The following SGCD variants were observed in gnomAD, a reference collection of about 807,000 sequenced individuals.
SGCD encodes delta-sarcoglycan.
A neutral mutation model predicts 36.6 loss-of-function variants in SGCD; 18 were observed. The ratio of observed to expected loss-of-function variants is 0.49; its 90% CI spans 0.34 to 0.73. The LOEUF is 0.73. Ranked by LOEUF, SGCD falls within the 30% of genes least tolerant of loss-of-function variation. The pLI is 0.01. For synonymous variants in SGCD, 133 were observed against 130.6 expected, an observed-to-expected ratio of 1.02 and a Z score of -0.12; for missense variants, 387 against 346.7, an observed-to-expected ratio of 1.12 and a Z score of -0.92.
intron 1 of SGCD, among the ~76,000 whole-genome samples, chr5:155,909,286 A>T (rs1256361117): frequency 6.6e-6 from 1 of 152,174 alleles, no homozygotes; most frequent in Non-Finnish European, 1.5e-5. Context: ...AATAGACCTT[A>T]AAAATAGTTG....
At chr5:156,460,600 G>C (rs116716804) in intron 3 of SGCD, among the ~76,000 whole-genome samples, 1 of 152,136 alleles carries the variant, frequency 6.6e-6, no homozygotes, top group Non-Finnish European at 1.5e-5. Flanking sequence ...TTGTATGAAT[G>C]AGTTAGTGAC....
the SGCD span, among the ~76,000 whole-genome samples, chr5:155,777,361 T>G: frequency 0.026 from 389 of 14,842 alleles, 1 homozygote; most frequent in Admixed American, 0.069. Flanking sequence ...AGTTTTTTTG[T>G]TTTTTTTTTT....
chr5:156,650,466 T>C (rs928677193), intron 7 of SGCD, among the ~76,000 whole-genome samples: 6 of 152,082 alleles, frequency 3.9e-5, no homozygotes, highest in African/African-American at 1.4e-4. Flanking sequence ...ACCCAATAGG[T>C]AGTTTTTCAG....
chr5:155,854,856 G>A, the SGCD span, among the ~76,000 whole-genome samples: 4 of 152,212 alleles, frequency 2.6e-5, no homozygotes, highest in East Asian at 1.9e-4. Context: ...CACTTAAGTC[G>A]AGACACTTAG....
chr5:155,902,878 T>G (rs1756421355), intron 1 of SGCD, among the ~76,000 whole-genome samples: 1 of 152,226 alleles, frequency 6.6e-6, no homozygotes, highest in African/African-American at 2.4e-5. Context: ...TCATAACCAA[T>G]GTATGAGAAC....
At chr5:156,333,288 T>A (rs1768157659) in intron 2 of SGCD, among the ~76,000 whole-genome samples, 1 of 152,136 alleles carries the variant, frequency 6.6e-6, no homozygotes, top group Non-Finnish European at 1.5e-5. Flanking sequence ...CTGTAAAAAT[T>A]TATAGGTTTT....
chr5:155,843,980 G>A, the SGCD span, among the ~76,000 whole-genome samples: 1 of 152,080 alleles, frequency 6.6e-6, no homozygotes, highest in African/African-American at 2.4e-5. Context: ...CAAAAGATCT[G>A]GATTAATACA....
chr5:156,404,725 T>G (rs989746940), intron 3 of SGCD, among the ~76,000 whole-genome samples: 2 of 152,208 alleles, frequency 1.3e-5, no homozygotes, highest in Non-Finnish European at 2.9e-5. Context: ...CTGTAACAAC[T>G]GAGATAAATT....
intron 4 of SGCD, among the ~76,000 whole-genome samples, chr5:156,530,397 T>G (rs1418885682): frequency 6.6e-6 from 1 of 152,206 alleles, no homozygotes; most frequent in African/African-American, 2.4e-5. Context: ...GGTATTTATA[T>G]TATTGAATGA....
At chr5:155,818,879 A>AC in the SGCD span, among the ~76,000 whole-genome samples, 1 of 152,114 alleles carries the variant, frequency 6.6e-6, no homozygotes, top group East Asian at 1.9e-4. Context: ...TCCACTTCCA[A>AC]CTTTTTTTTT....
chr5:156,040,673 G>A (rs866120796), intron 1 of SGCD, among the ~76,000 whole-genome samples: 15 of 152,196 alleles, frequency 9.9e-5, no homozygotes, highest in Admixed American at 3.9e-4. Context: ...GGTGTAGTGT[G>A]CAGGATCTCT....
In SGCD at chr5:156,760,366, T is replaced by A. The variant is rs1217357378; in HGVS notation, c.*976T>A. The stretch of plus-strand genomic sequence containing the variant: ...CCCAAAAGAAGCCTGGAAGTCTAAT[T>A]AAGAGTAGCATAAGGAACCTAATTA... On this transcript the variant is annotated 3_prime_UTR_variant, in exon 9 of 9. Transcript: ENST00000337851. 1 of 152,230 alleles carries A rather than the reference T, an allele frequency of 6.6e-6. No homozygotes were observed. The highest frequency in any genetic ancestry group is 6.5e-5 in the Admixed American group (1 of 15,282). The allele number at this position is 152,230 out of a possible 1,614,324, so 9.4% of individuals were successfully genotyped here.
chr5:155,979,366 A>T (rs144096458), intron 1 of SGCD, among the ~76,000 whole-genome samples: 1 of 152,338 alleles, frequency 6.6e-6, no homozygotes, highest in East Asian at 1.9e-4. Flanking sequence ...CTACGATATA[A>T]GGTGAACTCA....
chr5:156,378,341 G>A (rs968476495), intron 3 of SGCD, among the ~76,000 whole-genome samples: 2 of 152,110 alleles, frequency 1.3e-5, no homozygotes, highest in African/African-American at 4.8e-5. Flanking sequence ...AAGGGGTGAG[G>A]GGACTGGAGA....
chr5:156,439,383 A>T (rs1753387199), intron 3 of SGCD, among the ~76,000 whole-genome samples: 1 of 151,420 alleles, frequency 6.6e-6, no homozygotes, highest in South Asian at 2.1e-4. Context: ...TTACTTGACG[A>T]CTCCTTCTTG....
the SGCD span, among the ~76,000 whole-genome samples, chr5:155,828,677 TA>T: frequency 1.3e-5 from 2 of 151,976 alleles, no homozygotes; most frequent in East Asian, 1.9e-4. Flanking sequence ...CTTTACTTTT[TA>T]TTTTTTTTTT....
At chr5:156,512,726 C>T (rs756808266) in intron 4 of SGCD, among the ~76,000 whole-genome samples, 26 of 152,134 alleles carry the variant, frequency 1.7e-4, no homozygotes, top group Non-Finnish European at 3.5e-4. Context: ...GTATCCGTCA[C>T]CCCTGATAAT....
intron 6 of SGCD, among the ~76,000 whole-genome samples, chr5:156,647,228 G>A (rs1417270675): frequency 6.6e-6 from 1 of 152,126 alleles, no homozygotes; most frequent in Non-Finnish European, 1.5e-5. Flanking sequence ...TTGCCTCATG[G>A]CCTCACTCTG....
rs1025903146 is a variant in SGCD at position 156,152,223 on chromosome 5, C to T, written c.-44+28204C>T. Among the ~76,000 whole-genome samples, 7 of 151,636 alleles carry T rather than the reference C, an allele frequency of 4.6e-5. No homozygotes were observed. The East Asian group carries it at 7.7e-4, about 17-fold the overall frequency. On this transcript the variant is annotated intron_variant, in intron 3 of 9. Transcript: ENST00000517913. ...CCTTTTTCTTTGATTAGACTTTCCTCGATTTGTTTCTTTGACTAAGACATT... is the reference window on the plus strand; with the variant it reads ...CCTTTTTCTTTGATTAGACTTTCCTTGATTTGTTTCTTTGACTAAGACATT...
Sources: gnomAD v4.1 joint callset for allele counts (sites outside exome capture counted in the v4.1 genomes callset) on GRCh38, gnomAD v4.1.1 for gene constraint, MANE v1.5 for transcripts, NCBI Gene and HGNC (gene_info 2026-07-23, HGNC 2026-07-21) for gene names.